CST4: variants seen among roughly 807,000 people sequenced by gnomAD.
CST4 encodes the protein cystatin-S.
CST4 carries 17 observed loss-of-function variants against 11.2 expected under a neutral mutation model. The ratio of observed to expected loss-of-function variants is 1.52; its 90% CI spans 1.04 to 2.27. The LOEUF is 2.27. Ranked by LOEUF, CST4 falls within the 30% of genes most tolerant of loss-of-function variation. The pLI is 0.00. For synonymous variants in CST4, 93 were observed against 70.1 expected, an observed-to-expected ratio of 1.33 and a Z score of -1.63; for missense variants, 251 against 180.2, an observed-to-expected ratio of 1.39 and a Z score of -2.25.
intron 2 of CST4, among the ~76,000 whole-genome samples, 189 bp from the exon 3 acceptor site, chr20:23,686,166 C>T (rs1981034171): frequency 6.6e-6 from 1 of 152,168 alleles, no homozygotes; most frequent in South Asian, 2.1e-4. Flanking sequence ...TCCCAAGGCT[C>T]CAAGTCACCA....
rs1981023630 is a variant in CST4, at chr20:23,685,898, G to C, written c.422C>G (p.Ala141Gly). 1 of 1,613,902 alleles carries C rather than the reference G, an allele frequency of 6.2e-7. No individual in the cohort carries two copies. Among genetic ancestry groups the C allele is most frequent in the Admixed American group, 1.7e-5 (1 of 60,004 alleles). Residue 141 changes from alanine to glycine, a missense_variant, in exon 3 of 3, where the codon GCC becomes GGC. Coordinates refer to ENST00000217423, the MANE Select transcript of CST4 (RefSeq NM_001899.3). ...TGACTGGCCTGGCACAGACCCCTAG[G>C]CTTCTTGACACCTGGAATTCACCAG... is the stretch of plus-strand genomic sequence containing the variant. ...MSLVNSRCQE[A>G]
At position 23,685,734 on chromosome 20, in the gene CST4, C is replaced by T. The variant is rs921008790; in HGVS notation, c.*160G>A. On this transcript the variant is annotated 3_prime_UTR_variant, in exon 3 of 3. Coordinates refer to ENST00000217423, the MANE Select transcript of CST4 (RefSeq NM_001899.3). ...AAGGAAGGAGGGAGGGCAGAGCGCC[C>T]TGCTGAGCAACAAAGGACTCCTGCA... The T allele has an allele frequency of 1.5e-6, 1 of 684,458 alleles. No homozygotes were observed. The highest frequency in any genetic ancestry group is 2.5e-6 in the Non-Finnish European group (1 of 394,746). The allele number at this position is 684,458 out of a possible 1,614,324, so 42.4% of individuals were successfully genotyped here. A position where few individuals can be genotyped will look rare whatever the true frequency, so the allele number is the denominator to read the frequency against.
chr20:23,688,910 G>T lies in CST4; in HGVS notation c.60C>A (p.Ala20=). 1 of 1,614,208 alleles carries T rather than the reference G, an allele frequency of 6.2e-7. No individual in the cohort carries two copies. The highest frequency in any genetic ancestry group is 8.5e-7 in the Non-Finnish European group (1 of 1,180,030). ...LLMATLAGAL[A]SSSKEENRII... is the part of the protein sequence containing the mutation. ...TCCTATTCTCCTCCTTGGAGCTCGA[G>T]GCCAGAGCCCCAGCCAGGGTAGCCA... Residue 20 remains alanine (A), a synonymous_variant, in exon 1 of 3, where the codon GCC becomes GCA. Transcript: ENST00000217423.
intron 2 of CST4, 82 bp downstream of exon 2, chr20:23,687,006 C>G: frequency 1.3e-6 from 2 of 1,580,612 alleles, no homozygotes; most frequent in Non-Finnish European, 1.7e-6. Context: ...ACACACCGTC[C>G]AAACATGGGT....
In CST4 at chr20:23,688,811, G is replaced by A. The variant is rs1268713929; in HGVS notation, c.159C>T (p.Ser53=). Residue 53 remains serine, a synonymous_variant, in exon 1 of 3, where the codon AGC becomes AGT. Coordinates refer to ENST00000217423, the MANE Select transcript of CST4 (RefSeq NM_001899.3). ...WVQRALHFAI[S]EYNKATEDEY... is the part of the protein sequence containing the mutation. ...CATCTTCGGTGGCCTTGTTGTACTCGCTGATGGCGAAGTGAAGGGCACGCT... is the reference window on the plus strand; with the variant it reads ...CATCTTCGGTGGCCTTGTTGTACTCACTGATGGCGAAGTGAAGGGCACGCT... 10 of 1,614,036 alleles carry A rather than the reference G, an allele frequency of 6.2e-6. No homozygotes were observed. The highest frequency in any genetic ancestry group is 3.3e-5 in the Admixed American group (2 of 60,002).
At chr20:23,686,603 C>T (rs767068209) in intron 2 of CST4, among the ~76,000 whole-genome samples, 3 of 152,100 alleles carry the variant, frequency 2.0e-5, no homozygotes, top group Non-Finnish European at 2.9e-5. Flanking sequence ...TTCTCCCTGC[C>T]CAGCACCCAG....
chr20:23,687,174 C>A lies in CST4; in HGVS notation c.256G>T (p.Asp86Tyr). The change falls in exon 2 of 3, where the codon GAC (aspartate) becomes TAC (tyrosine). Residue 86 changes from aspartate (D) to tyrosine (Y), a missense_variant. Asp to Tyr is a radical substitution (Grantham distance 160). Coordinates refer to ENST00000217423, the MANE Select transcript of CST4 (RefSeq NM_001899.3). Reference protein sequence around the residue: ...QTFGGVNYFFDVEVGRTICTK... With the variant: ...QTFGGVNYFFYVEVGRTICTK... Reference sequence around the variant, plus strand: ...CATATGGTGCGGCCCACCTCTACGTCGAAGAAGTAATTCACCCCCCCAAAG... The same window carrying A: ...CATATGGTGCGGCCCACCTCTACGTAGAAGAAGTAATTCACCCCCCCAAAG... 1 of 1,613,966 alleles carries A rather than the reference C, an allele frequency of 6.2e-7. No individual in the cohort carries two copies. The highest frequency in any genetic ancestry group is 8.5e-7 in the Non-Finnish European group (1 of 1,179,998).
intron 1 of CST4, among the ~76,000 whole-genome samples, chr20:23,687,614 C>G (rs1451905857): frequency 6.6e-6 from 1 of 152,190 alleles, no homozygotes; most frequent in Non-Finnish European, 1.5e-5. Context: ...ATGGGGCCGC[C>G]CAGATGCCAC....
chr20:23,688,655 CAG>C, intron 1 of CST4, 85 bp downstream of exon 1: 1 of 1,197,664 alleles, frequency 8.3e-7, no homozygotes, highest in South Asian at 1.3e-5. Flanking sequence ...ATGAATGTGT[CAG>C]TGTTGATTTG....
intron 2 of CST4, 39 bp downstream of exon 2, chr20:23,687,049 C>T: frequency 1.9e-6 from 3 of 1,611,052 alleles, no homozygotes; most frequent in Non-Finnish European, 2.5e-6. Context: ...CACCCCTCTG[C>T]AGTGCATGAC....
Position 23,685,660 on chromosome 20 carries a change from G to T in CST4, c.*234C>A. On this transcript the variant is annotated 3_prime_UTR_variant, in exon 3 of 3. Coordinates refer to ENST00000217423, the MANE Select transcript of CST4 (RefSeq NM_001899.3). ...AGGGAGGCGATGCTACTGTTTAATT[G>T]CAGGAGGTGGGGGTGTGTGTACCAT... 5.3e-6 allele frequency: 3 copies of T among 571,106 alleles called. No homozygotes were observed. The highest frequency in any genetic ancestry group is 9.4e-6 in the Non-Finnish European group (3 of 319,246). The allele number at this position is 571,106 out of a possible 1,614,324, so 35.4% of individuals were successfully genotyped here. A position where few individuals can be genotyped will look rare whatever the true frequency, so the allele number is the denominator to read the frequency against.
rs766999486 is a variant in CST4, at chr20:23,688,781, G to A, written c.189C>T (p.Tyr63=). The A allele has an allele frequency of 3.4e-5, 55 of 1,614,048 alleles. 1 individual carries two copies. In the South Asian group the frequency reaches 4.9e-4, roughly 14 times the overall value. Residue 63 remains tyrosine, a synonymous_variant, in exon 1 of 3, where the codon TAC becomes TAT. Coordinates refer to ENST00000217423, the MANE Select transcript of CST4 (RefSeq NM_001899.3). ...SEYNKATEDE[Y]YRRPLQVLRA... is the part of the protein sequence containing the mutation. ...GCAGCACCTGCAGCGGGCGTCTGTAGTACTCATCTTCGGTGGCCTTGTTGT... is the reference window on the plus strand; with the variant it reads ...GCAGCACCTGCAGCGGGCGTCTGTAATACTCATCTTCGGTGGCCTTGTTGT...
chr20:23,686,584 C>T (rs1049885297), intron 2 of CST4, among the ~76,000 whole-genome samples: 5 of 152,106 alleles, frequency 3.3e-5, no homozygotes, highest in African/African-American at 7.2e-5. Flanking sequence ...TGGGATTAGA[C>T]AGATCCCCTT....
Position 23,688,756 on chromosome 20 carries a change from G to C in CST4, c.214C>G (p.Arg72Gly), listed in dbSNP as rs769001677. Residue 72 changes from arginine to glycine, a missense_variant, in exon 1 of 3, where the codon CGA becomes GGA. Coordinates refer to ENST00000217423, the MANE Select transcript of CST4 (RefSeq NM_001899.3). ...GCAGCACCCACCTGCTCCCTGGCTC[G>C]CAGCACCTGCAGCGGGCGTCTGTAG... ...EYYRRPLQVLRAREQTFGGVN... is the reference protein window; with the variant it reads ...EYYRRPLQVLGAREQTFGGVN... The C allele has an allele frequency of 3.1e-6, 5 of 1,614,110 alleles. No individual in the cohort carries two copies. In the South Asian group the frequency reaches 4.4e-5, roughly 14 times the overall value.
At chr20:23,688,285 TAGCCC>T (rs1981111074) in intron 1 of CST4, among the ~76,000 whole-genome samples, 2 of 152,204 alleles carry the variant, frequency 1.3e-5, no homozygotes, top group African/African-American at 4.8e-5. Context: ...TGAAGGCCAC[TAGCCC>T]TAAGGGGCTG....
In CST4 at chr20:23,687,122, G is replaced by A. The variant is rs374793349; in HGVS notation, c.308C>T (p.Thr103Ile). 1.2e-5 allele frequency: 19 copies of A among 1,614,038 alleles called. No individual in the cohort carries two copies. The African/African-American group carries it at 1.6e-4, about 14-fold the overall frequency. ...ICTKSQPNLD[T>I]CAFHEQPELQ... ...TTCTGGCTGTTCATGGAAGGCACAGGTGTCCAAGTTGGGCTGGGACTTGGT... is the reference window on the plus strand; with the variant it reads ...TTCTGGCTGTTCATGGAAGGCACAGATGTCCAAGTTGGGCTGGGACTTGGT... The change falls in exon 2 of 3, where the codon ACC (threonine) becomes ATC (isoleucine). Residue 103 changes from threonine to isoleucine, a missense_variant. Thr to Ile is a moderately conservative substitution (Grantham distance 89). Transcript: ENST00000217423.
chr20:23,687,065 C>T (rs374579077), intron 2 of CST4, 23 bp downstream of exon 2: 31 of 1,613,888 alleles, frequency 1.9e-5, no homozygotes, highest in South Asian at 4.4e-5. Context: ...ATGACTGGCC[C>T]GGGACCCGCA....
At chr20:23,688,616 G>A (rs1231602253) in intron 1 of CST4, 126 bp downstream of exon 1, 9 of 914,354 alleles carry the variant, frequency 9.8e-6, no homozygotes, top group Non-Finnish European at 1.5e-5. Context: ...GAGAGTCAGA[G>A]AAAGCTGAAT....
chr20:23,687,412 G>A (rs910328224), intron 1 of CST4, among the ~76,000 whole-genome samples: 1 of 152,202 alleles, frequency 6.6e-6, no homozygotes, highest in Admixed American at 6.5e-5. Context: ...TCTGTGCTGG[G>A]TAAGAGGATT....
Sources: allele counts gnomAD v4.1 joint callset (sites outside exome capture counted in the v4.1 genomes callset), GRCh38; gene constraint gnomAD v4.1.1; transcripts MANE v1.5; gene names NCBI Gene and HGNC (gene_info 2026-07-23, HGNC 2026-07-21).